The following CDH12 variants were observed in gnomAD, a reference collection of about 807,000 sequenced individuals.
CDH12 encodes cadherin-12.
A neutral mutation model predicts 74.1 loss-of-function variants in CDH12; 41 were observed. That is an observed-to-expected ratio of 0.55 (90% CI 0.43 to 0.72). The LOEUF (loss-of-function observed/expected upper bound fraction) is 0.72, where lower values mean the gene tolerates loss of function less well. Among genes scored for constraint, CDH12 ranks in the 30% least tolerant of loss-of-function variants. CDH12 has a pLI of 0.00. For synonymous variants in CDH12, 399 were observed against 355.0 expected, an observed-to-expected ratio of 1.12 and a Z score of -1.39; for missense variants, 945 against 977.2, an observed-to-expected ratio of 0.97 and a Z score of 0.44.
chr5:21,909,973 T>A (rs1252998759), intron 6 of CDH12, among the ~76,000 whole-genome samples: 1 of 152,148 alleles, frequency 6.6e-6, no homozygotes, highest in Non-Finnish European at 1.5e-5. Context: ...GAGGTCATAT[T>A]GAAATTTCCT....
At chr5:22,658,674 A>G (rs1316109771) in intron 1 of CDH12, among the ~76,000 whole-genome samples, 1 of 152,128 alleles carries the variant, frequency 6.6e-6, no homozygotes, top group Non-Finnish European at 1.5e-5. Flanking sequence ...ACCCTCCTAC[A>G]TAAGAAATAA....
chr5:22,243,598 T>C (rs4385176), intron 3 of CDH12, among the ~76,000 whole-genome samples: 54,672 of 152,050 alleles, frequency 0.36, 10,176 homozygotes, highest in East Asian at 0.49. Flanking sequence ...ATAGTGGAAA[T>C]AGAATCACCT....
intron 3 of CDH12, among the ~76,000 whole-genome samples, chr5:22,222,615 A>T (rs772564425): frequency 1.3e-5 from 2 of 151,818 alleles, no homozygotes; most frequent in African/African-American, 4.8e-5. Context: ...TATCAAAATC[A>T]TATATTATTA....
intron 2 of CDH12, among the ~76,000 whole-genome samples, chr5:22,422,122 G>T (rs1743678790): frequency 6.6e-6 from 1 of 152,120 alleles, no homozygotes; most frequent in African/African-American, 2.4e-5. Flanking sequence ...ACGGTGAATA[G>T]GAGTGGTGAG....
At chr5:22,457,589 T>G (rs1745332573) in intron 2 of CDH12, among the ~76,000 whole-genome samples, 1 of 150,556 alleles carries the variant, frequency 6.6e-6, no homozygotes, top group Non-Finnish European at 1.5e-5. Flanking sequence ...CCAACTAATT[T>G]TTTTTTTGAG....
chr5:21,759,076 A>T (rs1287559744), intron 13 of CDH12, among the ~76,000 whole-genome samples: 2 of 152,158 alleles, frequency 1.3e-5, no homozygotes, highest in African/African-American at 4.8e-5. Context: ...ATCATGAAAT[A>T]TACCCATGTA....
chr5:21,992,702 C>T (rs900946569), intron 5 of CDH12, among the ~76,000 whole-genome samples: 4 of 151,994 alleles, frequency 2.6e-5, no homozygotes, highest in African/African-American at 7.3e-5. Context: ...CTCCATGTAT[C>T]GTTGGTTGCT....
chr5:22,566,723 A>T (rs1739304590), intron 1 of CDH12, among the ~76,000 whole-genome samples: 1 of 152,168 alleles, frequency 6.6e-6, no homozygotes, highest in African/African-American at 2.4e-5. Context: ...TGAGGTACTT[A>T]CATGTCACTC....
At chr5:22,188,136 G>C (rs1015892005) in intron 4 of CDH12, among the ~76,000 whole-genome samples, 2 of 151,252 alleles carry the variant, frequency 1.3e-5, no homozygotes, top group South Asian at 4.2e-4. Flanking sequence ...TTTGGGTTGT[G>C]GGGGTGGATC....
At chr5:22,171,514 C>T (rs1333357392) in intron 4 of CDH12, among the ~76,000 whole-genome samples, 9 of 151,844 alleles carry the variant, frequency 5.9e-5, no homozygotes, top group Admixed American at 6.6e-5. Flanking sequence ...AAGCAAAGGG[C>T]GGCCTTCTAT....
chr5:22,647,521 T>C (rs573530215), intron 1 of CDH12, among the ~76,000 whole-genome samples: 20 of 151,860 alleles, frequency 1.3e-4, no homozygotes, highest in African/African-American at 4.3e-4. Flanking sequence ...CTCTCTTCCT[T>C]GCTTATAGGT....
intron 4 of CDH12, among the ~76,000 whole-genome samples, chr5:22,189,544 C>A (rs1401529671): frequency 2.0e-5 from 3 of 151,734 alleles, no homozygotes; most frequent in Non-Finnish European, 4.4e-5. Flanking sequence ...ATTACTTATA[C>A]TTAACATAAG....
At chr5:22,047,525 C>T (rs866421457) in intron 5 of CDH12, among the ~76,000 whole-genome samples, 32 of 150,836 alleles carry the variant, frequency 2.1e-4, no homozygotes, top group African/African-American at 7.7e-4. Flanking sequence ...TAAAAGTAAA[C>T]ACCCCCCCCC....
At chr5:22,107,298 A>ATT (rs150794003) in intron 4 of CDH12, among the ~76,000 whole-genome samples, 1 of 151,292 alleles carries the variant, frequency 6.6e-6, no homozygotes, top group Non-Finnish European at 1.5e-5. Flanking sequence ...TGCCTGGCTA[A>ATT]TTTTTTTATT....
chr5:22,566,695 T>C (rs1739303395), intron 1 of CDH12, among the ~76,000 whole-genome samples: 1 of 152,286 alleles, frequency 6.6e-6, no homozygotes, highest in Middle Eastern at 3.4e-3. Context: ...CGGAATTGGG[T>C]CCTGACGTAG....
At chr5:21,945,416 A>T (rs1755527755) in intron 6 of CDH12, among the ~76,000 whole-genome samples, 1 of 118,010 alleles carries the variant, frequency 8.5e-6, no homozygotes, top group Non-Finnish European at 1.7e-5. Flanking sequence ...ACAGAGTGAG[A>T]CTGTTTCAGA....
chr5:22,194,308 C>CTTTTTTTTTTT (rs59899245), intron 4 of CDH12, among the ~76,000 whole-genome samples: 4 of 139,856 alleles, frequency 2.9e-5, no homozygotes, highest in South Asian at 2.3e-4. Context: ...CTTTTTCTTT[C>CTTTTTTTTTTT]TTTTTTTTTT....
intron 6 of CDH12, among the ~76,000 whole-genome samples, chr5:21,943,999 C>A (rs1004404874): frequency 8.6e-5 from 13 of 152,042 alleles, no homozygotes; most frequent in Admixed American, 5.9e-4. Flanking sequence ...TTTACCCATA[C>A]CTGCATTTAT....
chr5:22,680,848 T>C (rs772879517), intron 1 of CDH12, among the ~76,000 whole-genome samples: 10 of 151,902 alleles, frequency 6.6e-5, no homozygotes, highest in Non-Finnish European at 1.3e-4. Flanking sequence ...GAAAGTTTCA[T>C]CTTGAGATTG....
Sources: allele counts gnomAD v4.1 joint callset (sites outside exome capture counted in the v4.1 genomes callset), GRCh38; gene constraint gnomAD v4.1.1; transcripts MANE v1.5; gene names NCBI Gene and HGNC (gene_info 2026-07-23, HGNC 2026-07-21).